TUNAR: variants seen among roughly 807,000 people sequenced by gnomAD.
TUNAR encodes the protein transmembrane neural differentiation associated intracellular calcium regulator, also known as protein TUNAR.
chr14:95,903,585 C>G (rs1889387604), intron 2 of TUNAR, among the ~76,000 whole-genome samples: 1 of 152,240 alleles, frequency 6.6e-6, no homozygotes, highest in African/African-American at 2.4e-5. Flanking sequence ...ATAAAAAGCC[C>G]TCTTTTCCTT....
Position 95,905,493 on chromosome 14 carries a change from C to T in TUNAR, c.13-17288C>T, listed in dbSNP as rs75494884. On this transcript the variant is annotated intron_variant, in intron 2 of 2. Coordinates refer to ENST00000678517, the Ensembl canonical transcript of TUNAR. ...AGTTCTTTTTTGGACTGAGGTTGTG[C>T]ACTTTTGGCAAGAATCCCACAGAGC... is the stretch of plus-strand genomic sequence containing the variant. 9.2e-3 allele frequency among the ~76,000 whole-genome samples: 1,401 copies of T among 152,270 alleles called. 27 individuals carry two copies. Among genetic ancestry groups the T allele is most frequent in the African/African-American group, 0.032 (1,341 of 41,530 alleles).
chr14:95,890,700 G>A (rs888427748), intron 2 of TUNAR, among the ~76,000 whole-genome samples: 1 of 152,168 alleles, frequency 6.6e-6, no homozygotes, highest in African/African-American at 2.4e-5. Context: ...TGAGAAATTG[G>A]TATAAGATTG....
intron 2 of TUNAR, among the ~76,000 whole-genome samples, chr14:95,914,902 A>T (rs555088723): frequency 6.6e-6 from 1 of 152,164 alleles, no homozygotes; most frequent in Non-Finnish European, 1.5e-5. Context: ...TTCCTTCCGT[A>T]TCAATTTTTC....
chr14:95,905,018 T>C (rs1386394614), intron 2 of TUNAR, among the ~76,000 whole-genome samples: 1 of 152,216 alleles, frequency 6.6e-6, no homozygotes, highest in Non-Finnish European at 1.5e-5. Flanking sequence ...CTGCATCCTC[T>C]AGAGGCATTG....
At chr14:95,887,002 G>A (rs1309594770) in intron 2 of TUNAR, among the ~76,000 whole-genome samples, 1 of 152,150 alleles carries the variant, frequency 6.6e-6, no homozygotes, top group Non-Finnish European at 1.5e-5. Flanking sequence ...TTGAATGCAA[G>A]CAGAGAAAGG....
intron 2 of TUNAR, among the ~76,000 whole-genome samples, chr14:95,886,040 C>T (rs969408556): frequency 6.6e-6 from 1 of 152,196 alleles, no homozygotes; most frequent in South Asian, 2.1e-4. Context: ...GCCCAGCCAT[C>T]GTGGACTCTA....
intron 2 of TUNAR, among the ~76,000 whole-genome samples, chr14:95,916,999 A>G (rs1023892451): frequency 3.9e-5 from 6 of 152,156 alleles, no homozygotes; most frequent in Admixed American, 6.5e-5. Context: ...TGTATAGTGT[A>G]TATCCCAGTT....
chr14:95,915,340 C>G (rs1161076092), intron 2 of TUNAR, among the ~76,000 whole-genome samples: 2 of 152,156 alleles, frequency 1.3e-5, no homozygotes, highest in African/African-American at 4.8e-5. Flanking sequence ...CAAAAGTCAG[C>G]CTGGCTGCAG....
intron 2 of TUNAR, among the ~76,000 whole-genome samples, chr14:95,908,658 A>G (rs913977154): frequency 2.0e-5 from 3 of 152,198 alleles, no homozygotes; most frequent in African/African-American, 7.2e-5. Flanking sequence ...TTGGGATCAC[A>G]AGAGTCTCAA....
chr14:95,894,383 A>T (rs1889225803), intron 2 of TUNAR, among the ~76,000 whole-genome samples: 2 of 152,210 alleles, frequency 1.3e-5, no homozygotes, highest in South Asian at 2.1e-4. Flanking sequence ...TTAGACAGTC[A>T]TGCCCTGTTG....
chr14:95,921,357 A>C (rs57537964), intron 2 of TUNAR, among the ~76,000 whole-genome samples: 1 of 152,134 alleles, frequency 6.6e-6, no homozygotes, highest in African/African-American at 2.4e-5. Context: ...GAAGAAATGT[A>C]GCTATGGGGC....
exon 3 of TUNAR, chr14:95,924,598 A>G (rs969472026): frequency 4.6e-5 from 7 of 152,286 alleles, no homozygotes; most frequent in Admixed American, 4.6e-4. Context: ...TTACGGTGGA[A>G]GGTGAAAGGC....
At chr14:95,903,770 G>C (rs993106887) in intron 2 of TUNAR, among the ~76,000 whole-genome samples, 1 of 152,236 alleles carries the variant, frequency 6.6e-6, no homozygotes, top group Admixed American at 6.5e-5. Context: ...GGTACTGGGG[G>C]CAGATGGTGG....
At chr14:95,896,658 G>T (rs914999493) in intron 2 of TUNAR, among the ~76,000 whole-genome samples, 1 of 152,236 alleles carries the variant, frequency 6.6e-6, no homozygotes, top group African/African-American at 2.4e-5. Context: ...ATGGAATCAG[G>T]AGAGTAGTAG....
intron 2 of TUNAR, among the ~76,000 whole-genome samples, chr14:95,911,869 C>A (rs1480247225): frequency 6.6e-6 from 1 of 152,182 alleles, no homozygotes; most frequent in African/African-American, 2.4e-5. Flanking sequence ...AATTAAATGA[C>A]CCAAAACCCA....
intron 2 of TUNAR, among the ~76,000 whole-genome samples, chr14:95,918,246 C>G (rs1566792765): frequency 6.6e-6 from 1 of 152,180 alleles, no homozygotes; most frequent in African/African-American, 2.4e-5. Flanking sequence ...AAGCATCTAT[C>G]CACTGAGTTG....
intron 2 of TUNAR, among the ~76,000 whole-genome samples, chr14:95,888,720 T>C (rs948680705): frequency 1.3e-5 from 2 of 152,130 alleles, no homozygotes; most frequent in African/African-American, 4.8e-5. Flanking sequence ...CTATCCTCTT[T>C]GGTGATCGAG....
intron 2 of TUNAR, among the ~76,000 whole-genome samples, chr14:95,892,352 G>A (rs1192618081): frequency 2.0e-5 from 3 of 152,254 alleles, no homozygotes; most frequent in Non-Finnish European, 4.4e-5. Context: ...GGATTGTGCC[G>A]CTTTCGCATC....
intron 2 of TUNAR, among the ~76,000 whole-genome samples, chr14:95,915,362 G>C (rs1595125564): frequency 6.6e-6 from 1 of 152,192 alleles, no homozygotes; most frequent in East Asian, 1.9e-4. Context: ...CATCCAGGCG[G>C]CAGCAGCTAA....
Sources: allele counts gnomAD v4.1 joint callset (sites outside exome capture counted in the v4.1 genomes callset), GRCh38; gene constraint gnomAD v4.1.1; transcripts MANE v1.5; gene names NCBI Gene and HGNC (gene_info 2026-07-23, HGNC 2026-07-21).